Variants in TRNT1 observed in about 807,000 individuals in gnomAD.
The protein encoded by TRNT1 is CCA tRNA nucleotidyltransferase 1, mitochondrial.
In TRNT1, 44 loss-of-function variants were observed where a neutral mutation model predicts 45.6. The ratio of observed to expected loss-of-function variants is 0.97; its 90% CI spans 0.76 to 1.24. The LOEUF is 1.24. Ranked by LOEUF, TRNT1 falls within the 50% of genes most tolerant of loss-of-function variation. The pLI, the probability that TRNT1 is intolerant of heterozygous loss-of-function variation, is 0.00. For missense variants in TRNT1, 633 were observed against 504.4 expected (o/e 1.25, Z -2.44); for synonymous variants, 201 against 171.4 (o/e 1.17, Z -1.35).
At chr3:3,129,216 T>A (rs149557691) in intron 2 of TRNT1, 28 bp downstream of exon 2, 1 of 1,604,422 alleles carries the variant, frequency 6.2e-7, no homozygotes, top group East Asian at 2.2e-5. Context: ...CTTTTCTTGA[T>A]TGGAAACCTA....
In TRNT1 at chr3:3,144,570, T is replaced by C. The variant is rs1352587455; in HGVS notation, c.482-14T>C. The C allele has an allele frequency of 2.5e-6, 4 of 1,572,484 alleles. No homozygotes were observed. Among genetic ancestry groups the C allele is most frequent in the Non-Finnish European group, 3.5e-6 (4 of 1,157,170 alleles). Reference sequence around the variant, plus strand: ...GCCAATAGTGATTTTTCTCCCTCCTTTTCTAATGAATAGGTTTTGATGGCA... The same window carrying C: ...GCCAATAGTGATTTTTCTCCCTCCTCTTCTAATGAATAGGTTTTGATGGCA... On this transcript the variant is annotated splice_polypyrimidine_tract_variant and intron_variant, in intron 4 of 7. Coordinates refer to ENST00000251607, the MANE Select transcript of TRNT1 (RefSeq NM_182916.3).
intron 4 of TRNT1, 116 bp from the exon 5 acceptor site, chr3:3,144,468 T>C: frequency 1.0e-6 from 1 of 1,004,770 alleles, no homozygotes; most frequent in South Asian, 1.4e-5. Flanking sequence ...TGTGTTTTAA[T>C]AACTGTTCAC....
In TRNT1 at chr3:3,147,655, A is replaced by G. The variant is rs1370974923; in HGVS notation, c.1008A>G (p.Ala336=). The G allele has an allele frequency of 1.2e-6, 2 of 1,613,804 alleles. No homozygotes were observed. Among genetic ancestry groups the G allele is most frequent in the Non-Finnish European group, 1.7e-6 (2 of 1,179,744 alleles). Residue 336 remains alanine (A), a synonymous_variant, in exon 7 of 8, where the codon GCA becomes GCG. Transcript: ENST00000251607. ...IVKNRKDLIK[A]TDSSDPLKPY... ...AAAATAGGAAAGATTTAATTAAAGCAACAGATAGTTCAGACCCATTGAAAC... is the reference window on the plus strand; with the variant it reads ...AAAATAGGAAAGATTTAATTAAAGCGACAGATAGTTCAGACCCATTGAAAC...
Position 3,147,975 on chromosome 3 carries a change from A to G in TRNT1, c.1126A>G (p.Lys376Glu). ...GTACCAAGGAGAGCACTGTCTCCTA[A>G]AGGAAATGCAGCAGTGGTCCATTCC... ...LKYQGEHCLL[K>E]EMQQWSIPPF... is the part of the protein sequence containing the mutation. Residue 376 changes from lysine (K) to glutamate (E), a missense_variant, in exon 8 of 8, where the codon AAG becomes GAG. Physicochemically the swap from Lys to Glu is moderately conservative, Grantham distance 56. Transcript: ENST00000251607. 6.2e-7 allele frequency: 1 copy of G among 1,613,996 alleles called. No homozygotes were observed. Among genetic ancestry groups the G allele is most frequent in the African/African-American group, 1.3e-5 (1 of 75,040 alleles).
intron 1 of TRNT1, 155 bp downstream of exon 1, chr3:3,127,145 GC>G (rs1182941997): frequency 6.6e-6 from 1 of 152,320 alleles, no homozygotes; most frequent in African/African-American, 2.4e-5. Context: ...GGGCAAAATA[GC>G]CCCGACGCGG....
chr3:3,140,503 A>G lies in TRNT1; in HGVS notation c.343-7A>G. 2 of 1,611,148 alleles carry G rather than the reference A, an allele frequency of 1.2e-6. No homozygotes were observed. The highest frequency in any genetic ancestry group is 1.7e-6 in the Non-Finnish European group (2 of 1,178,752). Reference sequence around the variant, plus strand: ...TGACAACAAAAACCCCATGTATTTAATTGCAGCTTCATGAAGAAAATTTTG... The same window carrying G: ...TGACAACAAAAACCCCATGTATTTAGTTGCAGCTTCATGAAGAAAATTTTG... On this transcript the variant is annotated splice_polypyrimidine_tract_variant and splice_region_variant and intron_variant, in intron 3 of 7. Transcript: ENST00000251607.
chr3:3,134,063 G>A (rs887851201), intron 2 of TRNT1, among the ~76,000 whole-genome samples: 1 of 152,144 alleles, frequency 6.6e-6, no homozygotes, highest in African/African-American at 2.4e-5. Flanking sequence ...GCAAATAAAC[G>A]TAGTTTGGGG....
chr3:3,130,576 T>A (rs1704955577), intron 2 of TRNT1: 1 of 152,494 alleles, frequency 6.6e-6, no homozygotes, highest in African/African-American at 2.4e-5. Context: ...TGAAAATTGC[T>A]AAAAATTGCT....
chr3:3,138,953 G>A (rs1243351079), intron 3 of TRNT1, among the ~76,000 whole-genome samples: 2 of 152,150 alleles, frequency 1.3e-5, no homozygotes, highest in African/African-American at 4.8e-5. Flanking sequence ...GGGACTCCCA[G>A]TCTAAGTCTC....
downstream of TRNT1, chr3:3,151,112 T>TATCA (rs1384249976): frequency 1.9e-5 from 30 of 1,542,614 alleles, no homozygotes; most frequent in Middle Eastern, 1.7e-4. Flanking sequence ...CATATAAACC[T>TATCA]ATCATGAAGA....
intron 4 of TRNT1, among the ~76,000 whole-genome samples, chr3:3,143,840 A>T (rs1705812715): frequency 1.3e-5 from 2 of 152,246 alleles, no homozygotes; most frequent in Admixed American, 1.3e-4. Flanking sequence ...CCAGGGTGAC[A>T]AAGTGAGAAT....
rs377244808 is a variant in TRNT1, at chr3:3,147,660, A to G, written c.1013A>G (p.Asp338Gly). The G allele has an allele frequency of 8.1e-6, 13 of 1,613,634 alleles. No individual in the cohort carries two copies. Among genetic ancestry groups the G allele is most frequent in the Non-Finnish European group, 8.5e-7 (1 of 1,179,722 alleles). Residue 338 changes from aspartate to glycine, a missense_variant, in exon 7 of 8, where the codon GAT becomes GGT. Transcript: ENST00000251607. ...KNRKDLIKATDSSDPLKPYQD... is the reference protein window; with the variant it reads ...KNRKDLIKATGSSDPLKPYQD... ...AGGAAAGATTTAATTAAAGCAACAG[A>G]TAGTTCAGACCCATTGAAACCCTAT...
At chr3:3,151,006 G>T, downstream of TRNT1, 1 of 1,613,906 alleles carries the variant, frequency 6.2e-7, no homozygotes. Context: ...ATCCAATATG[G>T]CTTGCACAGA....
downstream of TRNT1, chr3:3,150,609 T>A: frequency 2.6e-6 from 1 of 392,132 alleles, no homozygotes; most frequent in East Asian, 5.2e-5. Context: ...CATATCAGAT[T>A]CCACAGGATA....
chr3:3,151,991 C>CG (rs1706590763), downstream of TRNT1, among the ~76,000 whole-genome samples: 1 of 152,088 alleles, frequency 6.6e-6, no homozygotes, highest in African/African-American at 2.4e-5. Context: ...TTCAGAATTA[C>CG]ATGACTGACA....
Position 3,148,157 on chromosome 3 carries a change from C to CAGT in TRNT1, c.*3_*4insAGT, listed in dbSNP as rs1270767401. 1 of 1,611,126 alleles carries CAGT rather than the reference C, an allele frequency of 6.2e-7. No homozygotes were observed. The highest frequency in any genetic ancestry group is 1.1e-5 in the South Asian group (1 of 90,534). ...TGAGTTACATAAAGAAGACCTAAAA[C>CAGT]TGATGGCTACTAAAAAGCAGAGCAT... is the stretch of plus-strand genomic sequence containing the variant. On this transcript the variant is annotated 3_prime_UTR_variant, in exon 8 of 8. Coordinates refer to ENST00000251607, the MANE Select transcript of TRNT1 (RefSeq NM_182916.3).
At position 3,140,564 on chromosome 3, in the gene TRNT1, G is replaced by T. The variant is rs1705582522; in HGVS notation, c.397G>T (p.Gly133Ter). 2.5e-6 allele frequency: 4 copies of T among 1,614,082 alleles called. No homozygotes were observed. Among genetic ancestry groups the T allele is most frequent in the Non-Finnish European group, 3.4e-6 (4 of 1,179,966 alleles). Residue 133 changes from glycine to a stop codon, truncating the protein, a stop_gained, in exon 4 of 8, where the codon GGA (glycine) becomes TGA (stop). Coordinates refer to ENST00000251607, the MANE Select transcript of TRNT1 (RefSeq NM_182916.3). LOFTEE classifies it high-confidence loss of function. ...TTLRIDVTTD[G>*]RHAEVEFTTD... is the part of the protein sequence containing the mutation. Reference sequence around the variant, plus strand: ...ACTACGGATTGATGTCACCACTGATGGAAGACATGCTGAGGTAGAATTTAC... The same window carrying T: ...ACTACGGATTGATGTCACCACTGATTGAAGACATGCTGAGGTAGAATTTAC...
chr3:3,152,371 T>A, downstream of TRNT1: 2 of 1,366,530 alleles, frequency 1.5e-6, no homozygotes, highest in Non-Finnish European at 2.0e-6. Context: ...ATAAAGATTG[T>A]GGCAACTCTG....
chr3:3,152,301 TG>T (rs1325923104), downstream of TRNT1, among the ~76,000 whole-genome samples: 5 of 152,008 alleles, frequency 3.3e-5, no homozygotes, highest in African/African-American at 1.2e-4. Context: ...TACAGACCCC[TG>T]CCCCCATACC....
Sources: allele counts gnomAD v4.1 joint callset (sites outside exome capture counted in the v4.1 genomes callset), GRCh38; gene constraint gnomAD v4.1.1; transcripts MANE v1.5; gene names NCBI Gene and HGNC (gene_info 2026-07-23, HGNC 2026-07-21).